COL14A1: variants seen among roughly 807,000 people sequenced by gnomAD.
The protein encoded by COL14A1 is collagen type XIV alpha 1 chain, also known as collagen alpha-1(XIV) chain.
In COL14A1, 136 loss-of-function variants were observed where a neutral mutation model predicts 230.3. That is an observed-to-expected ratio of 0.59 (90% CI 0.51 to 0.68). The LOEUF is 0.68. Ranked by LOEUF, COL14A1 falls within the 30% of genes least tolerant of loss-of-function variation. The pLI, the probability that COL14A1 is intolerant of heterozygous loss-of-function variation, is 0.00. For synonymous variants in COL14A1, 792 were observed against 784.1 expected (o/e 1.01, Z -0.17); for missense variants, 1,976 against 2,215.8 (o/e 0.89, Z 2.17).
chr8:120,282,961 T>C (rs1586830023), intron 31 of COL14A1, among the ~76,000 whole-genome samples: 1 of 152,078 alleles, frequency 6.6e-6, no homozygotes, highest in African/African-American at 2.4e-5. Flanking sequence ...GCCCCTCAGA[T>C]CTGTCTCCCA....
At chr8:120,320,994 G>A (rs1453429455) in intron 40 of COL14A1, among the ~76,000 whole-genome samples, 1 of 152,202 alleles carries the variant, frequency 6.6e-6, no homozygotes, top group African/African-American at 2.4e-5. Context: ...CAGCTAGTAA[G>A]TGTTAGAGCC....
intron 24 of COL14A1, among the ~76,000 whole-genome samples, chr8:120,265,255 A>G (rs1819468634): frequency 6.6e-6 from 1 of 152,100 alleles, no homozygotes; most frequent in South Asian, 2.1e-4. Flanking sequence ...TTCTTGATTT[A>G]TTGACCAGAC....
intron 1 of COL14A1, among the ~76,000 whole-genome samples, chr8:120,128,641 G>A (rs971061615): frequency 3.3e-5 from 5 of 152,042 alleles, no homozygotes; most frequent in Admixed American, 1.3e-4. Context: ...AGGCTGAGGC[G>A]GGCATTGAGA....
At position 120,315,488 on chromosome 8, in the gene COL14A1, A is replaced by G. The variant is rs775397549; in HGVS notation, c.4552-45A>G. 5.3e-6 allele frequency: 8 copies of G among 1,512,586 alleles called. No homozygotes were observed. The African/African-American group carries it at 9.7e-5, about 18-fold the overall frequency. The allele number at this position is 1,512,586 out of a possible 1,614,324, so 93.7% of individuals were successfully genotyped here. On this transcript the variant is annotated intron_variant, in intron 38 of 47. Transcript: ENST00000297848. Reference sequence around the variant, plus strand: ...GAGAGAAGGAAAAGAAAACGCTAAGAATTTACCTATGTGAACTTAACTCTG... The same window carrying G: ...GAGAGAAGGAAAAGAAAACGCTAAGGATTTACCTATGTGAACTTAACTCTG...
chr8:120,360,664 C>T (rs1314936851), intron 45 of COL14A1, among the ~76,000 whole-genome samples: 2 of 152,238 alleles, frequency 1.3e-5, no homozygotes, highest in Non-Finnish European at 2.9e-5. Context: ...TCATATTCTG[C>T]TGTAGCTGTT....
chr8:120,331,836 T>C (rs1216505581), intron 40 of COL14A1, among the ~76,000 whole-genome samples: 1 of 152,260 alleles, frequency 6.6e-6, no homozygotes, highest in Non-Finnish European at 1.5e-5. Flanking sequence ...TGACCAATAA[T>C]GGATCCTCTT....
intron 26 of COL14A1, among the ~76,000 whole-genome samples, chr8:120,272,708 T>C (rs1321914134): frequency 6.6e-6 from 1 of 151,730 alleles, no homozygotes; most frequent in Non-Finnish European, 1.5e-5. Flanking sequence ...AAGAAAGTCA[T>C]TATATAATGA....
At chr8:120,192,131 T>G (rs2130687913) in intron 5 of COL14A1, among the ~76,000 whole-genome samples, 1 of 152,342 alleles carries the variant, frequency 6.6e-6, no homozygotes, top group African/African-American at 2.4e-5. Context: ...ATGCAGTTTC[T>G]TCTTAGTCTC....
intron 8 of COL14A1, among the ~76,000 whole-genome samples, chr8:120,200,815 C>T (rs1327296724): frequency 7.3e-6 from 1 of 137,536 alleles, no homozygotes; most frequent in African/African-American, 2.7e-5. Flanking sequence ...AACTTGTTTC[C>T]TACTAGTATG....
At position 120,345,395 on chromosome 8, in the gene COL14A1, G is replaced by A. The variant is rs777348395; in HGVS notation, c.4909G>A (p.Ala1637Thr). 2 of 1,593,972 alleles carry A rather than the reference G, an allele frequency of 1.3e-6. No individual in the cohort carries two copies. The highest frequency in any genetic ancestry group is 1.1e-5 in the South Asian group (1 of 87,450). The stretch of plus-strand genomic sequence containing the variant: ...CTCAGGTCACATGGCCAGGTACACT[G>A]CCATCCTCAACCAGATTCCCAGCCA... ...LIQSHMARYT[A>T]ILNQIPSHSS... is the part of the protein sequence containing the mutation. Residue 1637 changes from alanine (A) to threonine (T), a missense_variant, in exon 45 of 48, where the codon GCC (alanine) becomes ACC (threonine). Physicochemically the swap from Ala to Thr is moderately conservative, Grantham distance 58 (BLOSUM62 0). Transcript: ENST00000297848.
chr8:120,209,786 T>TGTAC lies in COL14A1; in HGVS notation c.1354_1357dup (p.Asp453ValfsTer5). The TGTAC allele has an allele frequency of 6.2e-7, 1 of 1,613,582 alleles. No individual in the cohort carries two copies. The highest frequency in any genetic ancestry group is 8.5e-7 in the Non-Finnish European group (1 of 1,179,760). On this transcript the variant is annotated frameshift_variant, in exon 12 of 48. Coordinates refer to ENST00000297848, the MANE Select transcript of COL14A1 (RefSeq NM_021110.4). LOFTEE classifies it high-confidence loss of function. Reference sequence around the variant, plus strand: ...TTACCGATGGCTTCTGACCTTCTACTGTACGACGTGACTGAGAACAGCATG... The same window carrying TGTAC: ...TTACCGATGGCTTCTGACCTTCTACTGTACGTACGACGTGACTGAGAACAGCATG...
At chr8:120,257,331 A>G (rs1819187811) in intron 23 of COL14A1, among the ~76,000 whole-genome samples, 1 of 152,220 alleles carries the variant, frequency 6.6e-6, no homozygotes, top group Non-Finnish European at 1.5e-5. Context: ...CTGAGAGATT[A>G]GATTTGTGAA....
At chr8:120,135,376 A>C (rs931895803) in intron 1 of COL14A1, among the ~76,000 whole-genome samples, 4 of 151,738 alleles carry the variant, frequency 2.6e-5, no homozygotes, top group Non-Finnish European at 5.9e-5. Flanking sequence ...TAATTCTCCC[A>C]CCTCAGCTTC....
chr8:120,332,052 C>T, intron 40 of COL14A1, 89 bp from the exon 41 acceptor site: 1 of 1,096,058 alleles, frequency 9.1e-7, no homozygotes, highest in Middle Eastern at 2.0e-4. Context: ...CAGGACTTGA[C>T]CCCCAAACAT....
At chr8:120,133,676 T>C (rs1470185853) in intron 1 of COL14A1, among the ~76,000 whole-genome samples, 1 of 152,184 alleles carries the variant, frequency 6.6e-6, no homozygotes, top group Admixed American at 6.5e-5. Context: ...TAACAGTCTG[T>C]CTAGCCATGT....
chr8:120,201,984 C>CA (rs552807724), intron 8 of COL14A1, among the ~76,000 whole-genome samples: 15 of 152,042 alleles, frequency 9.9e-5, no homozygotes, highest in Admixed American at 3.9e-4. Context: ...CTGAATATCA[C>CA]AAAAAAAGCA....
intron 23 of COL14A1, among the ~76,000 whole-genome samples, chr8:120,256,062 C>T (rs969797727): frequency 6.6e-6 from 1 of 152,022 alleles, no homozygotes; most frequent in Non-Finnish European, 1.5e-5. Context: ...AAGATGAAAT[C>T]AAATAATAAA....
intron 22 of COL14A1, among the ~76,000 whole-genome samples, chr8:120,253,413 TAATA>T (rs1488057504): frequency 3.3e-5 from 5 of 152,186 alleles, no homozygotes. Context: ...TTCTCTCCCT[TAATA>T]AATATATTGA....
At chr8:120,355,695 A>C (rs1822958933) in intron 45 of COL14A1, among the ~76,000 whole-genome samples, 1 of 152,102 alleles carries the variant, frequency 6.6e-6, no homozygotes, top group Non-Finnish European at 1.5e-5. Flanking sequence ...TGCTGGGATT[A>C]CAGGCATGAT....
Sources: allele counts gnomAD v4.1 joint callset (sites outside exome capture counted in the v4.1 genomes callset), GRCh38; gene constraint gnomAD v4.1.1; transcripts MANE v1.5; gene names NCBI Gene and HGNC (gene_info 2026-07-23, HGNC 2026-07-21).